Variants in PDE1A observed in about 807,000 individuals in gnomAD.
PDE1A encodes the protein phosphodiesterase 1A.
PDE1A carries 35 observed loss-of-function variants against 61.7 expected under a neutral mutation model. The observed-to-expected ratio is 0.57, with a 90% CI of 0.43 to 0.75. The LOEUF (loss-of-function observed/expected upper bound fraction) is 0.75, where lower values mean the gene tolerates loss of function less well. PDE1A is among the 30% of genes least tolerant of loss of function. The pLI is 0.00. For missense variants in PDE1A, 597 were observed against 630.6 expected, an observed-to-expected ratio of 0.95 and a Z score of 0.57; for synonymous variants, 232 against 213.2, an observed-to-expected ratio of 1.09 and a Z score of -0.77.
At position 182,247,202 on chromosome 2, in the gene PDE1A, G is replaced by GAA. The variant is rs11408095; in HGVS notation, c.168-6912_168-6911dup. Among the ~76,000 whole-genome samples, 631 of 146,824 alleles carry GAA rather than the reference G, an allele frequency of 4.3e-3. 8 individuals carry two copies. Among genetic ancestry groups the GAA allele is most frequent in the African/African-American group, 0.015 (600 of 40,574 alleles). ...TGGGGAAACATATATATTTGGTGTAGAAAAAAAAAACTAAACATTTTTGAT... is the reference window on the plus strand; with the variant it reads ...TGGGGAAACATATATATTTGGTGTAGAAAAAAAAAAAACTAAACATTTTTGAT... On this transcript the variant is annotated intron_variant, in intron 2 of 13. Coordinates refer to ENST00000351439, the Ensembl canonical transcript of PDE1A.
chr2:182,596,100 T>G, the PDE1A span, among the ~76,000 whole-genome samples: 1 of 152,182 alleles, frequency 6.6e-6, no homozygotes, highest in Non-Finnish European at 1.5e-5. Context: ...AACCTTTGTT[T>G]CATAAGGGAG....
chr2:182,399,267 A>G (rs1374593792), intron 1 of PDE1A, among the ~76,000 whole-genome samples: 1 of 151,954 alleles, frequency 6.6e-6, no homozygotes, highest in East Asian at 1.9e-4. Context: ...TTTGGTATAA[A>G]ATTCTATGAA....
At chr2:182,445,718 A>G (rs1685088892) in intron 2 of PDE1A, among the ~76,000 whole-genome samples, 1 of 152,108 alleles carries the variant, frequency 6.6e-6, no homozygotes, top group Non-Finnish European at 1.5e-5. Context: ...ACCAATGTAA[A>G]CATTTCCAGT....
the PDE1A span, among the ~76,000 whole-genome samples, chr2:182,533,933 G>A: frequency 1.3e-5 from 2 of 152,026 alleles, no homozygotes; most frequent in East Asian, 3.9e-4. Flanking sequence ...ATCTGCATGT[G>A]TATTTCATGG....
chr2:182,150,065 A>G (rs941239973), intron 13 of PDE1A, among the ~76,000 whole-genome samples: 4 of 152,194 alleles, frequency 2.6e-5, no homozygotes, highest in African/African-American at 9.7e-5. Flanking sequence ...AAATAGTGAT[A>G]TAAAATGATA....
chr2:182,688,112 T>C, the PDE1A span, among the ~76,000 whole-genome samples: 1 of 152,146 alleles, frequency 6.6e-6, no homozygotes, highest in East Asian at 1.9e-4. Context: ...CTGCAGGATA[T>C]TATCCAGGAG....
the PDE1A span, among the ~76,000 whole-genome samples, chr2:182,639,460 C>T: frequency 2.0e-5 from 3 of 152,182 alleles, no homozygotes; most frequent in East Asian, 3.9e-4. Flanking sequence ...CACAGCTGCT[C>T]AGGAGGTCGA....
At chr2:182,563,506 G>A in the PDE1A span, among the ~76,000 whole-genome samples, 2 of 152,260 alleles carry the variant, frequency 1.3e-5, no homozygotes, top group African/African-American at 4.8e-5. Context: ...TAGGTGTGGT[G>A]CAGTGCTGAA....
intron 10 of PDE1A, among the ~76,000 whole-genome samples, chr2:182,191,321 A>C (rs1187676360): frequency 1.3e-5 from 2 of 152,092 alleles, no homozygotes; most frequent in South Asian, 2.1e-4. Context: ...TTTGAATACT[A>C]TTATTGATTT....
At chr2:182,237,103 C>T (rs1690079646) in intron 3 of PDE1A, among the ~76,000 whole-genome samples, 1 of 152,164 alleles carries the variant, frequency 6.6e-6, no homozygotes, top group South Asian at 2.1e-4. Flanking sequence ...ATTTCCTGGG[C>T]TCCTAAAGGT....
intron 13 of PDE1A, among the ~76,000 whole-genome samples, chr2:182,179,322 A>C (rs1364185347): frequency 6.6e-6 from 1 of 152,168 alleles, no homozygotes; most frequent in Non-Finnish European, 1.5e-5. Flanking sequence ...GAAACAGAAC[A>C]ACATTTGTGT....
intron 2 of PDE1A, among the ~76,000 whole-genome samples, chr2:182,517,491 C>G (rs1040408999): frequency 6.6e-6 from 1 of 152,158 alleles, no homozygotes; most frequent in Non-Finnish European, 1.5e-5. Flanking sequence ...ATTGCATTAT[C>G]TCCTATGTGC....
At chr2:182,436,867 T>A (rs1016751239) in intron 2 of PDE1A, among the ~76,000 whole-genome samples, 1 of 152,072 alleles carries the variant, frequency 6.6e-6, no homozygotes, top group African/African-American at 2.4e-5. Flanking sequence ...TCTTTGTTCT[T>A]ACTAACATAT....
intron 10 of PDE1A, among the ~76,000 whole-genome samples, chr2:182,200,138 C>CTAAG (rs1280518217): frequency 6.6e-6 from 1 of 152,152 alleles, no homozygotes; most frequent in African/African-American, 2.4e-5. Flanking sequence ...AAGAACTTCT[C>CTAAG]TAAGTGGGAC....
rs190828363 is a variant in PDE1A at position 182,224,498 on chromosome 2, A to C, written c.676-534T>G. On this transcript the variant is annotated intron_variant, in intron 6 of 13. Transcript: ENST00000351439. ...CAAATTTTTCTATTCATAACACATAAAAATGGCTGTGCAATTAACTTCAAT... is the reference window on the plus strand; with the variant it reads ...CAAATTTTTCTATTCATAACACATACAAATGGCTGTGCAATTAACTTCAAT... Among the ~76,000 whole-genome samples, 9 of 152,048 alleles carry C rather than the reference A, an allele frequency of 5.9e-5. No homozygotes were observed. In the East Asian group the frequency reaches 9.7e-4, roughly 16 times the overall value.
chr2:182,577,351 C>T, the PDE1A span, among the ~76,000 whole-genome samples: 2 of 152,022 alleles, frequency 1.3e-5, no homozygotes, highest in Admixed American at 1.3e-4. Context: ...ACTTTCTGTC[C>T]CATCCTGAAT....
chr2:182,151,727 T>C (rs1690790126), intron 13 of PDE1A, among the ~76,000 whole-genome samples: 1 of 152,242 alleles, frequency 6.6e-6, no homozygotes, highest in Non-Finnish European at 1.5e-5. Context: ...TTTGTTGTTC[T>C]TTTTGTATTT....
intron 13 of PDE1A, among the ~76,000 whole-genome samples, chr2:182,179,652 C>G (rs1246323497): frequency 2.6e-5 from 4 of 152,030 alleles, no homozygotes; most frequent in Non-Finnish European, 5.9e-5. Flanking sequence ...CTTCCTTCTT[C>G]CCTTCTCCTC....
intron 1 of PDE1A, among the ~76,000 whole-genome samples, chr2:182,398,660 T>C (rs10931010): frequency 0.098 from 14,924 of 152,052 alleles, 822 homozygotes; most frequent in Middle Eastern, 0.14. Flanking sequence ...GGATCAGTAC[T>C]GACCACAAGT....
Sources: gnomAD v4.1 joint callset for allele counts (sites outside exome capture counted in the v4.1 genomes callset) on GRCh38, gnomAD v4.1.1 for gene constraint, MANE v1.5 for transcripts, NCBI Gene and HGNC (gene_info 2026-07-23, HGNC 2026-07-21) for gene names.